ZNF843: variants seen among roughly 807,000 people sequenced by gnomAD.
The protein encoded by ZNF843 is zinc finger protein 843.
For synonymous variants in ZNF843, 185 were observed against 207.7 expected (o/e 0.89, Z 0.94); for missense variants, 482 against 469.4 (o/e 1.03, Z -0.25).
Position 31,436,943 on chromosome 16 carries a change from T to A in ZNF843, c.-94A>T. On this transcript the variant is annotated 5_prime_UTR_variant, in exon 2 of 2. It adds an upstream start codon to the 5' untranslated region. Transcript: ENST00000315678. ...TGTGGGGCCTCTGCCGCACTCAGGC[T>A]TCCCGTGGCCACGAGCTCACAGTCT... The A allele has an allele frequency of 8.0e-7, 1 of 1,242,564 alleles. No homozygotes were observed. Among genetic ancestry groups the A allele is most frequent in the Non-Finnish European group, 1.1e-6 (1 of 910,144 alleles). 77.0% of individuals were successfully genotyped at this position (1,242,564 alleles called of 1,614,324 possible). A position where few individuals can be genotyped will look rare whatever the true frequency, so the allele number is the denominator to read the frequency against.
rs759190499 is a variant in ZNF843, at chr16:31,436,020, C to T, written c.830G>A (p.Arg277Gln). The T allele has an allele frequency of 1.3e-5, 20 of 1,527,840 alleles. No homozygotes were observed. The Admixed American group carries it at 3.3e-4, about 25-fold the overall frequency. The allele number at this position is 1,527,840 out of a possible 1,614,324, so 94.6% of individuals were successfully genotyped here. ...MGPRSCASAG[R>Q]DSREAVQAPG... is the part of the protein sequence containing the mutation. ...GGCCTGAACCGCCTCCCGCGAGTCCCGTCCCGCGCTCGCACAGCTTCTGGG... is the reference window on the plus strand; with the variant it reads ...GGCCTGAACCGCCTCCCGCGAGTCCTGTCCCGCGCTCGCACAGCTTCTGGG... Residue 277 changes from arginine (R) to glutamine (Q), a missense_variant, in exon 2 of 2, where the codon CGG becomes CAG. Coordinates refer to ENST00000315678, the MANE Select transcript of ZNF843 (RefSeq NM_001136509.3).
intron 1 of ZNF843, among the ~76,000 whole-genome samples, chr16:31,442,018 G>A (rs1394890014): frequency 1.3e-5 from 2 of 152,234 alleles, no homozygotes; most frequent in Non-Finnish European, 1.5e-5. Context: ...GGAGGACTCC[G>A]GGACGGGGGA....
At chr16:31,441,648 A>ATT (rs553617674) in intron 1 of ZNF843, among the ~76,000 whole-genome samples, 1 of 146,930 alleles carries the variant, frequency 6.8e-6, no homozygotes, top group East Asian at 2.0e-4. Flanking sequence ...CACCTGGCTA[A>ATT]TTTTTTTTTT....
rs966531404 is a variant in ZNF843 at position 31,435,701 on chromosome 16, C to G, written c.*102G>C. 4.3e-6 allele frequency: 5 copies of G among 1,172,944 alleles called. No individual in the cohort carries two copies. The East Asian group carries it at 8.6e-5, about 20-fold the overall frequency. 72.7% of individuals were successfully genotyped at this position (1,172,944 alleles called of 1,614,324 possible). A position where few individuals can be genotyped will look rare whatever the true frequency, so the allele number is the denominator to read the frequency against. On this transcript the variant is annotated 3_prime_UTR_variant, in exon 2 of 2. Coordinates refer to ENST00000315678, the MANE Select transcript of ZNF843 (RefSeq NM_001136509.3). ...GAGAAAGATCTGCCATACAGAAAAG[C>G]CGTCCTGAGCGGGTCTGTGTGGAGG...
chr16:31,441,917 T>C (rs918951656), intron 1 of ZNF843, among the ~76,000 whole-genome samples: 1 of 152,178 alleles, frequency 6.6e-6, no homozygotes, highest in South Asian at 2.1e-4. Flanking sequence ...ATCTGCTAAG[T>C]TCTGAGAAAG....
In ZNF843 at chr16:31,436,692, C is replaced by G. The variant is rs560749679; in HGVS notation, c.158G>C (p.Arg53Pro). The G allele has an allele frequency of 1.3e-6, 2 of 1,551,642 alleles. No homozygotes were observed. The highest frequency in any genetic ancestry group is 1.2e-5 in the South Asian group (1 of 84,068). Residue 53 changes from arginine to proline, a missense_variant, in exon 2 of 2, where the codon CGG becomes CCG. Coordinates refer to ENST00000315678, the MANE Select transcript of ZNF843 (RefSeq NM_001136509.3). ...TQSASLLQHW[R>P]VHSDWRETLS... ...GGTCTCTCGCCAGTCGCTGTGGACC[C>G]GCCAGTGCTGGAGGAGGGATGCGCT...
At chr16:31,437,209 A>C (rs2082185932) in intron 1 of ZNF843, 25 bp from the exon 2 acceptor site, 9 of 216,578 alleles carry the variant, frequency 4.2e-5, no homozygotes. Context: ...AACCACAGAA[A>C]AATTTTACTA....
intron 1 of ZNF843, among the ~76,000 whole-genome samples, chr16:31,439,917 C>T (rs13333019): frequency 0.085 from 12,876 of 152,178 alleles, 1,818 homozygotes; most frequent in African/African-American, 0.29. Flanking sequence ...TAGGCTAAGC[C>T]TCTTCTGAGA....
chr16:31,441,661 A>T (rs74915031), intron 1 of ZNF843, among the ~76,000 whole-genome samples: 1,889 of 150,200 alleles, frequency 0.013, 45 homozygotes, highest in African/African-American at 0.044. Flanking sequence ...TTTTTTTTTT[A>T]AATAATTAGT....
At chr16:31,437,812 G>A (rs1429799862) in intron 1 of ZNF843, among the ~76,000 whole-genome samples, 3 of 151,472 alleles carry the variant, frequency 2.0e-5, no homozygotes, top group African/African-American at 7.3e-5. Flanking sequence ...TATTTTAGTA[G>A]AGACAGGATT....
chr16:31,435,774 T>C lies in ZNF843; in HGVS notation c.*29A>G, dbSNP rs1459521814. 15 of 1,437,542 alleles carry C rather than the reference T, an allele frequency of 1.0e-5. No individual in the cohort carries two copies. The highest frequency in any genetic ancestry group is 6.0e-5 in the Admixed American group (2 of 33,312). The allele number at this position is 1,437,542 out of a possible 1,614,324, so 89.0% of individuals were successfully genotyped here. On this transcript the variant is annotated 3_prime_UTR_variant, in exon 2 of 2. Transcript: ENST00000315678. The stretch of plus-strand genomic sequence containing the variant: ...ACAGTCCACCGGCGGCTGCAACAAT[T>C]CCACCCAGGGCTGCAGCACGCTGGT...
Position 31,436,357 on chromosome 16 carries a change from G to C in ZNF843, c.493C>G (p.Leu165Val). 1 of 1,546,772 alleles carries C rather than the reference G, an allele frequency of 6.5e-7. No homozygotes were observed. Among genetic ancestry groups the C allele is most frequent in the South Asian group, 1.2e-5 (1 of 83,374 alleles). ...CAGGTCTTCTCCCCTGGGTGCGGAAGGACGCGCTGGGAGAGGGAGGTCTTC... is the reference window on the plus strand; with the variant it reads ...CAGGTCTTCTCCCCTGGGTGCGGAACGACGCGCTGGGAGAGGGAGGTCTTC... Reference protein sequence around the residue: ...NEKTSLSQRVLPHPGEKTCRG... With the variant: ...NEKTSLSQRVVPHPGEKTCRG... Residue 165 changes from leucine to valine, a missense_variant, in exon 2 of 2, where the codon CTT (leucine) becomes GTT (valine). By Grantham distance (32) the Leu-to-Val change is conservative. Coordinates refer to ENST00000315678, the MANE Select transcript of ZNF843 (RefSeq NM_001136509.3).
chr16:31,440,023 G>A (rs905700199), intron 1 of ZNF843, among the ~76,000 whole-genome samples: 1 of 152,148 alleles, frequency 6.6e-6, no homozygotes, highest in African/African-American at 2.4e-5. Context: ...AAATAGCCAG[G>A]ACTTACAGTG....
chr16:31,442,326 TTTA>T (rs2082204279), intron 1 of ZNF843, among the ~76,000 whole-genome samples: 1 of 151,626 alleles, frequency 6.6e-6, no homozygotes, highest in Non-Finnish European at 1.5e-5. Context: ...TATTTATTTA[TTTA>T]TTTATTTTTG....
rs2142886291 is a variant in ZNF843 at position 31,442,765 on chromosome 16, C to T, written c.-465G>A. 1 of 152,220 alleles carries T rather than the reference C, an allele frequency of 6.6e-6. No homozygotes were observed. Among genetic ancestry groups the T allele is most frequent in the Non-Finnish European group, 1.5e-5 (1 of 68,020 alleles). 9.4% of individuals were successfully genotyped at this position (152,220 alleles called of 1,614,324 possible). A position where few individuals can be genotyped will look rare whatever the true frequency, so the allele number is the denominator to read the frequency against. On this transcript the variant is annotated 5_prime_UTR_variant, in exon 1 of 2. Coordinates refer to ENST00000315678, the MANE Select transcript of ZNF843 (RefSeq NM_001136509.3). Reference sequence around the variant, plus strand: ...CGGAACCCAGCCGGGCGCGTAGCTCCGGGAAGGGGACGTGGCGAGGACCCG... The same window carrying T: ...CGGAACCCAGCCGGGCGCGTAGCTCTGGGAAGGGGACGTGGCGAGGACCCG...
chr16:31,441,852 G>T (rs541037196), intron 1 of ZNF843, among the ~76,000 whole-genome samples: 56 of 152,272 alleles, frequency 3.7e-4, no homozygotes, highest in Admixed American at 2.2e-3. Flanking sequence ...TGAACTGCTG[G>T]ACTCAATGTC....
Position 31,435,946 on chromosome 16 carries a change from C to CG in ZNF843, c.903dup (p.Gly302ArgfsTer69), listed in dbSNP as rs1368146947. 49 of 1,540,948 alleles carry CG rather than the reference C, an allele frequency of 3.2e-5. No individual in the cohort carries two copies. Among genetic ancestry groups the CG allele is most frequent in the Non-Finnish European group, 4.4e-6 (5 of 1,141,946 alleles). ...CTGGCCCTGGCCTCGCCGAGCGGTC[C>CG]GGCCGCTCTGTGCTGCGAGGCCTTC... On this transcript the variant is annotated frameshift_variant, in exon 2 of 2. Transcript: ENST00000315678. LOFTEE classifies it low-confidence loss of function (END_TRUNC).
In ZNF843 at chr16:31,436,610, T is replaced by G; in HGVS notation, c.240A>C (p.Ala80=). Residue 80 remains alanine (A), a synonymous_variant, in exon 2 of 2, where the codon GCA becomes GCC. Coordinates refer to ENST00000315678, the MANE Select transcript of ZNF843 (RefSeq NM_001136509.3). ...DLLWPLQPHQ[A]PASPLGRSHS... is the part of the protein sequence containing the mutation. ...GGCTTCTCCCGAGTGGACTCGCTGG[T>G]GCTTGATGAGGTTGGAGCGGCCACA... 5 of 1,551,576 alleles carry G rather than the reference T, an allele frequency of 3.2e-6. No individual in the cohort carries two copies. The highest frequency in any genetic ancestry group is 4.4e-6 in the Non-Finnish European group (5 of 1,146,912).
chr16:31,439,360 A>G (rs2082193903), intron 1 of ZNF843, among the ~76,000 whole-genome samples: 1 of 152,242 alleles, frequency 6.6e-6, no homozygotes, highest in African/African-American at 2.4e-5. Context: ...TTAAATGTAC[A>G]CTTACCACAT....
Sources: gnomAD v4.1 joint callset for allele counts (sites outside exome capture counted in the v4.1 genomes callset) on GRCh38, gnomAD v4.1.1 for gene constraint, MANE v1.5 for transcripts, NCBI Gene and HGNC (gene_info 2026-07-23, HGNC 2026-07-21) for gene names.